Variants in NTM observed in about 807,000 individuals in gnomAD.
The protein encoded by NTM is neurotrimin.
In NTM, 13 loss-of-function variants were observed where a neutral mutation model predicts 42.1. That is an observed-to-expected ratio of 0.31 (90% CI 0.20 to 0.49). NTM has a LOEUF of 0.49. Among genes scored for constraint, NTM ranks in the 20% least tolerant of loss-of-function variants. The pLI is 0.99. For synonymous variants in NTM, 187 were observed against 179.2 expected (o/e 1.04, Z -0.35); for missense variants, 373 against 452.8 (o/e 0.82, Z 1.60).
intron 4 of NTM, among the ~76,000 whole-genome samples, chr11:132,259,723 G>A (rs1434803594): frequency 1.3e-5 from 2 of 151,794 alleles, no homozygotes; most frequent in African/African-American, 4.8e-5. Flanking sequence ...AAATCAACTA[G>A]GACAGTTTTT....
At chr11:132,166,742 C>T (rs749964557) in intron 3 of NTM, among the ~76,000 whole-genome samples, 56 of 152,204 alleles carry the variant, frequency 3.7e-4, no homozygotes, top group Non-Finnish European at 6.0e-4. Flanking sequence ...CCTCCTTTCA[C>T]GATGAGTGAG....
intron 1 of NTM, among the ~76,000 whole-genome samples, chr11:131,677,506 G>C (rs938037587): frequency 6.6e-6 from 1 of 152,158 alleles, no homozygotes; most frequent in African/African-American, 2.4e-5. Context: ...AGCCAGGCTG[G>C]CCAGGCAGGA....
At chr11:132,331,006 A>G (rs1214047928) in intron 8 of NTM, among the ~76,000 whole-genome samples, 1 of 152,204 alleles carries the variant, frequency 6.6e-6, no homozygotes, top group Non-Finnish European at 1.5e-5. Flanking sequence ...CCTTCCACAT[A>G]GCATTCATTC....
chr11:132,174,746 C>T (rs2076557250), intron 3 of NTM, among the ~76,000 whole-genome samples: 1 of 152,054 alleles, frequency 6.6e-6, no homozygotes, highest in Admixed American at 6.5e-5. Flanking sequence ...TTGATGGCCT[C>T]TCGGGGTTGC....
intron 1 of NTM, among the ~76,000 whole-genome samples, chr11:131,447,357 A>T (rs1039678202): frequency 5.9e-5 from 9 of 151,528 alleles, no homozygotes; most frequent in African/African-American, 2.2e-4. Context: ...AAATAAAGAG[A>T]CCCCCCTTCC....
intron 2 of NTM, among the ~76,000 whole-genome samples, chr11:131,993,438 TGTA>T (rs1373084431): frequency 6.6e-6 from 1 of 152,082 alleles, no homozygotes; most frequent in Admixed American, 6.6e-5. Flanking sequence ...AAATGGGACT[TGTA>T]GTAGAGGATG....
chr11:131,877,829 C>T (rs989967270), intron 1 of NTM: 28 of 152,186 alleles, frequency 1.8e-4, no homozygotes, highest in African/African-American at 6.3e-4. Flanking sequence ...CCTTTGGAGT[C>T]AGGGGCTCAG....
chr11:131,987,934 A>G (rs2135050717), intron 2 of NTM, among the ~76,000 whole-genome samples: 1 of 152,392 alleles, frequency 6.6e-6, no homozygotes, highest in Middle Eastern at 3.4e-3. Context: ...CCTGTAAGGA[A>G]CATATGTTTG....
At chr11:132,174,393 T>C (rs1019507295) in intron 3 of NTM, among the ~76,000 whole-genome samples, 2 of 152,248 alleles carry the variant, frequency 1.3e-5, no homozygotes, top group Non-Finnish European at 2.9e-5. Context: ...TGTGATGCAT[T>C]ATTTTAGGCT....
At chr11:132,149,887 A>G (rs903022083) in intron 3 of NTM, among the ~76,000 whole-genome samples, 1 of 152,200 alleles carries the variant, frequency 6.6e-6, no homozygotes, top group African/African-American at 2.4e-5. Context: ...CTACAACCAA[A>G]CAACATTTAA....
At chr11:131,674,221 G>A (rs1448822947) in intron 1 of NTM, among the ~76,000 whole-genome samples, 1 of 152,160 alleles carries the variant, frequency 6.6e-6, no homozygotes, top group Non-Finnish European at 1.5e-5. Flanking sequence ...CAAGTGCTTG[G>A]CCACCGCCTA....
At chr11:131,488,097 A>T (rs1428878063) in intron 1 of NTM, among the ~76,000 whole-genome samples, 1 of 152,216 alleles carries the variant, frequency 6.6e-6, no homozygotes, top group Admixed American at 6.5e-5. Flanking sequence ...CTATACCTAC[A>T]GGGGGAATCA....
At chr11:132,266,981 C>G (rs1200583271) in intron 4 of NTM, among the ~76,000 whole-genome samples, 1 of 152,150 alleles carries the variant, frequency 6.6e-6, no homozygotes, top group Non-Finnish European at 1.5e-5. Context: ...GTTGGCGTAT[C>G]AAATCATGAC....
intron 1 of NTM, among the ~76,000 whole-genome samples, chr11:131,910,506 TCCGCGC>T (rs1253034690): frequency 6.6e-6 from 1 of 151,342 alleles, no homozygotes; most frequent in Admixed American, 6.6e-5. Flanking sequence ...GAGAGCGCAG[TCCGCGC>T]CGCCAGCCCG....
intron 1 of NTM, among the ~76,000 whole-genome samples, chr11:131,375,130 G>T (rs1181172073): frequency 8.5e-5 from 13 of 152,090 alleles, no homozygotes; most frequent in African/African-American, 3.1e-4. Context: ...CTCCATGGGG[G>T]ACATGTACAT....
At chr11:131,860,084 C>T (rs748274999) in intron 1 of NTM, among the ~76,000 whole-genome samples, 1 of 152,150 alleles carries the variant, frequency 6.6e-6, no homozygotes, top group Non-Finnish European at 1.5e-5. Flanking sequence ...CTATATCGGG[C>T]CTCAGCTCCT....
At chr11:131,454,816 CAGAG>C (rs1205502543) in intron 1 of NTM, among the ~76,000 whole-genome samples, 1 of 151,134 alleles carries the variant, frequency 6.6e-6, no homozygotes, top group Admixed American at 6.6e-5. Flanking sequence ...GCTGGGGCCA[CAGAG>C]AGAAGAAAAA....
chr11:131,629,510 C>T (rs1363637162), intron 1 of NTM, among the ~76,000 whole-genome samples: 1 of 152,112 alleles, frequency 6.6e-6, no homozygotes, highest in Non-Finnish European at 1.5e-5. Flanking sequence ...CACAAATATC[C>T]ATATATTGAA....
chr11:131,434,368 C>T (rs921379421), intron 1 of NTM, among the ~76,000 whole-genome samples: 3 of 152,224 alleles, frequency 2.0e-5, no homozygotes, highest in Non-Finnish European at 4.4e-5. Context: ...GCCACACTGT[C>T]TTCCACAATG....
Sources: gnomAD v4.1 joint callset for allele counts (sites outside exome capture counted in the v4.1 genomes callset) on GRCh38, gnomAD v4.1.1 for gene constraint, MANE v1.5 for transcripts, NCBI Gene and HGNC (gene_info 2026-07-23, HGNC 2026-07-21) for gene names.